NALF1: variants seen among roughly 807,000 people sequenced by gnomAD.
NALF1 encodes the protein NALCN channel auxiliary factor 1.
Under a neutral mutation model 48.4 loss-of-function variants are expected in NALF1, and 3 were observed. The observed-to-expected ratio is 0.06, with a 90% CI of 0.03 to 0.16. NALF1 has a LOEUF of 0.16. Among genes scored for constraint, NALF1 ranks in the 10% least tolerant of loss-of-function variants. The pLI is 1.00. For missense variants in NALF1, 526 were observed against 571.5 expected (o/e 0.92, Z 0.81); for synonymous variants, 262 against 245.7 (o/e 1.07, Z -0.62).
chr13:107,412,846 A>G (rs1303045520), intron 1 of NALF1, among the ~76,000 whole-genome samples: 2 of 152,224 alleles, frequency 1.3e-5, no homozygotes, highest in Non-Finnish European at 2.9e-5. Flanking sequence ...TTAAAAGGGA[A>G]GTAATGAATT....
At chr13:107,752,321 T>G (rs1876962629) in intron 1 of NALF1, among the ~76,000 whole-genome samples, 1 of 152,156 alleles carries the variant, frequency 6.6e-6, no homozygotes, top group Admixed American at 6.6e-5. Flanking sequence ...AGACTCAGAA[T>G]TCCTTTTTGA....
chr13:107,587,538 G>A (rs978511710), intron 1 of NALF1, among the ~76,000 whole-genome samples: 3 of 152,092 alleles, frequency 2.0e-5, no homozygotes, highest in African/African-American at 7.2e-5. Context: ...TGGGCAGAGG[G>A]AGAATAAAAG....
chr13:107,496,425 G>A (rs895573362), intron 1 of NALF1, among the ~76,000 whole-genome samples: 1 of 152,062 alleles, frequency 6.6e-6, no homozygotes, highest in Non-Finnish European at 1.5e-5. Context: ...AGGATCCCAG[G>A]CTCCAAAGCT....
intron 1 of NALF1, among the ~76,000 whole-genome samples, chr13:107,542,168 G>C (rs537284326): frequency 6.6e-6 from 1 of 152,224 alleles, no homozygotes; most frequent in East Asian, 1.9e-4. Context: ...ATGAAGTACT[G>C]ATACATGCTA....
intron 1 of NALF1, among the ~76,000 whole-genome samples, chr13:107,483,901 T>C (rs1287421758): frequency 6.6e-6 from 1 of 152,090 alleles, no homozygotes; most frequent in Non-Finnish European, 1.5e-5. Context: ...AAGAATACTA[T>C]TTTAAAGCAA....
chr13:107,800,355 A>C (rs966879823), intron 1 of NALF1, among the ~76,000 whole-genome samples: 8 of 151,976 alleles, frequency 5.3e-5, no homozygotes, highest in South Asian at 2.1e-4. Flanking sequence ...TGTTATTATT[A>C]TCATATCACT....
intron 1 of NALF1, among the ~76,000 whole-genome samples, chr13:107,360,767 T>C (rs532851258): frequency 3.9e-5 from 6 of 152,328 alleles, no homozygotes; most frequent in African/African-American, 1.4e-4. Flanking sequence ...TTTAAATAGC[T>C]TGTTCAAACT....
rs978475716 is a variant in NALF1 at position 107,280,074 on chromosome 13, G to A, written c.916-69319C>T. Among the ~76,000 whole-genome samples, 50 of 152,150 alleles carry A rather than the reference G, an allele frequency of 3.3e-4. 1 individual carries two copies. Among genetic ancestry groups the A allele is most frequent in the Non-Finnish European group, 1.5e-5 (1 of 68,024 alleles). On this transcript the variant is annotated intron_variant, in intron 1 of 2. Coordinates refer to ENST00000375915, the MANE Select transcript of NALF1 (RefSeq NM_001080396.3). ...CCCAAAGTGCTGGGATTACAGGTGT[G>A]AGCCATCATGGGTGGACACCTAAGC... is the stretch of plus-strand genomic sequence containing the variant.
intron 1 of NALF1, among the ~76,000 whole-genome samples, chr13:107,552,949 T>C (rs892565006): frequency 1.3e-5 from 2 of 151,984 alleles, no homozygotes; most frequent in African/African-American, 4.8e-5. Context: ...TCTTAAATAC[T>C]CTGAATTGTT....
chr13:107,270,858 C>T (rs563392056), intron 1 of NALF1, among the ~76,000 whole-genome samples: 1 of 149,408 alleles, frequency 6.7e-6, no homozygotes, highest in East Asian at 2.0e-4. Flanking sequence ...TGTTCCCCTT[C>T]CTGTGTCCAT....
chr13:107,315,873 CTTA>C (rs1279123542), intron 1 of NALF1, among the ~76,000 whole-genome samples: 1 of 149,266 alleles, frequency 6.7e-6, no homozygotes, highest in Non-Finnish European at 1.5e-5. Flanking sequence ...CCCAAAATAT[CTTA>C]TTTTTTATAG....
chr13:107,218,662 A>G (rs1261179820), intron 1 of NALF1, among the ~76,000 whole-genome samples: 1 of 152,196 alleles, frequency 6.6e-6, no homozygotes, highest in Non-Finnish European at 1.5e-5. Flanking sequence ...TAAATTTTTA[A>G]AAGTCCACTT....
chr13:107,423,164 T>C (rs1487627442), intron 1 of NALF1, among the ~76,000 whole-genome samples: 1 of 152,216 alleles, frequency 6.6e-6, no homozygotes, highest in African/African-American at 2.4e-5. Flanking sequence ...ATTTGGGATA[T>C]GAAAACATTA....
chr13:107,229,195 C>T (rs1405869115), intron 1 of NALF1, among the ~76,000 whole-genome samples: 2 of 151,992 alleles, frequency 1.3e-5, no homozygotes, highest in African/African-American at 4.8e-5. Flanking sequence ...AGTAATAATA[C>T]ATTTAGGTGA....
chr13:107,729,615 T>A (rs1876252137), intron 1 of NALF1, among the ~76,000 whole-genome samples: 1 of 152,040 alleles, frequency 6.6e-6, no homozygotes, highest in Non-Finnish European at 1.5e-5. Context: ...TAGCTGAGAT[T>A]ACAGGCGCCC....
intron 2 of NALF1, among the ~76,000 whole-genome samples, chr13:107,174,236 T>C (rs1350028080): frequency 6.6e-6 from 1 of 152,212 alleles, no homozygotes; most frequent in Admixed American, 6.5e-5. Flanking sequence ...CCTAGTTGTC[T>C]GCACAAAATA....
At chr13:107,233,788 C>T (rs1239784881) in intron 1 of NALF1, among the ~76,000 whole-genome samples, 1 of 152,160 alleles carries the variant, frequency 6.6e-6, no homozygotes, top group Non-Finnish European at 1.5e-5. Flanking sequence ...CACAATGCCA[C>T]AGCGAGAGCG....
intron 1 of NALF1, among the ~76,000 whole-genome samples, chr13:107,403,188 C>CTTTTTTTTTTTTTTTTTTTTTTT (rs10710356): frequency 1.6e-4 from 7 of 42,490 alleles, no homozygotes; most frequent in Non-Finnish European, 2.1e-4. Flanking sequence ...CTTGTTCGGG[C>CTTTTTTTTTTTTTTTTTTTTTTT]TTTTTTTTTT....
intron 1 of NALF1, among the ~76,000 whole-genome samples, chr13:107,683,557 T>C (rs1035061527): frequency 1.3e-5 from 2 of 152,220 alleles, no homozygotes; most frequent in Admixed American, 6.5e-5. Flanking sequence ...CCACAGCTCA[T>C]GGCAGGAAGC....
Sources: allele counts gnomAD v4.1 joint callset (sites outside exome capture counted in the v4.1 genomes callset), GRCh38; gene constraint gnomAD v4.1.1; transcripts MANE v1.5; gene names NCBI Gene and HGNC (gene_info 2026-07-23, HGNC 2026-07-21).